Variants in SBF2 observed in about 807,000 individuals in gnomAD.
SBF2 encodes SET binding factor 2.
In SBF2, 112 loss-of-function variants were observed where a neutral mutation model predicts 225.2. The observed-to-expected ratio is 0.50, with a 90% CI of 0.43 to 0.58. SBF2 has a LOEUF of 0.58. Ranked by LOEUF, SBF2 falls within the 20% of genes least tolerant of loss-of-function variation. The pLI is 0.00. For missense variants in SBF2, 1,996 were observed against 2,206.2 expected (o/e 0.90, Z 1.91); for synonymous variants, 763 against 773.3 (o/e 0.99, Z 0.22).
chr11:10,097,837 G>A (rs1269331367), intron 2 of SBF2, among the ~76,000 whole-genome samples: 2 of 152,134 alleles, frequency 1.3e-5, no homozygotes, highest in Non-Finnish European at 2.9e-5. Context: ...ACAAAGGAAA[G>A]TAAAAGCATA....
intron 2 of SBF2, among the ~76,000 whole-genome samples, chr11:10,156,141 C>T (rs1359985142): frequency 6.6e-6 from 1 of 152,228 alleles, no homozygotes; most frequent in Non-Finnish European, 1.5e-5. Context: ...CTGGCCTCTC[C>T]TCGCTCCCAG....
intron 1 of SBF2, among the ~76,000 whole-genome samples, chr11:10,249,074 T>G (rs111230791): frequency 2.0e-5 from 3 of 151,304 alleles, no homozygotes; most frequent in Non-Finnish European, 4.4e-5. Context: ...CCAGCCTGGG[T>G]GACAGAGCAA....
intron 1 of SBF2, among the ~76,000 whole-genome samples, chr11:10,200,816 C>A (rs10458868): frequency 1 from 152,354 of 152,366 alleles, 76,171 homozygotes; most frequent in Non-Finnish European, 1. Context: ...AAATGGAGAA[C>A]ATGGAAATTA....
At chr11:10,044,345 A>C (rs1198147807) in intron 2 of SBF2, among the ~76,000 whole-genome samples, 1 of 152,254 alleles carries the variant, frequency 6.6e-6, no homozygotes, top group East Asian at 1.9e-4. Flanking sequence ...GGAGAAGAAA[A>C]GGCACACACA....
At chr11:10,243,064 G>C (rs1044835300) in intron 1 of SBF2, among the ~76,000 whole-genome samples, 1 of 152,038 alleles carries the variant, frequency 6.6e-6, no homozygotes, top group African/African-American at 2.4e-5. Flanking sequence ...CATTCTACAG[G>C]GTTGATCACA....
chr11:9,858,334 T>C lies in SBF2; in HGVS notation c.1992A>G (p.Thr664=). ...AGGTTGTCTCCCAAAATTGCTGATT[T>C]GTCCAAATGGGGTGGTCTTGTACAC... is the stretch of plus-strand genomic sequence containing the variant. The part of the protein sequence containing the change: ...YTCVQDHPIW[T]NQQFWETTFY... The change falls in exon 18 of 40, where the codon ACA becomes ACG. Residue 664 remains threonine (T), a synonymous_variant. Coordinates refer to ENST00000256190, the MANE Select transcript of SBF2 (RefSeq NM_030962.4). 6.2e-7 allele frequency: 1 copy of C among 1,614,204 alleles called. No individual in the cohort carries two copies. The highest frequency in any genetic ancestry group is 8.5e-7 in the Non-Finnish European group (1 of 1,180,020).
At chr11:10,120,570 G>T (rs932402142) in intron 2 of SBF2, among the ~76,000 whole-genome samples, 1 of 152,098 alleles carries the variant, frequency 6.6e-6, no homozygotes, top group Non-Finnish European at 1.5e-5. Context: ...TAGGGCAAAA[G>T]GGTCTAATTT....
At chr11:9,909,810 CAG>C (rs1274582110) in intron 16 of SBF2, among the ~76,000 whole-genome samples, 3 of 152,078 alleles carry the variant, frequency 2.0e-5, no homozygotes, top group Non-Finnish European at 4.4e-5. Context: ...TTCTATAGCT[CAG>C]AGTCTTCAAT....
intron 1 of SBF2, among the ~76,000 whole-genome samples, chr11:10,268,276 G>T (rs1193498379): frequency 6.6e-6 from 1 of 151,842 alleles, no homozygotes; most frequent in Non-Finnish European, 1.5e-5. Context: ...TTAAAAACTT[G>T]CCACAAAACC....
chr11:10,197,207 C>T (rs1957408155), intron 1 of SBF2, among the ~76,000 whole-genome samples: 1 of 152,104 alleles, frequency 6.6e-6, no homozygotes, highest in Admixed American at 6.5e-5. Flanking sequence ...AATGGGACCA[C>T]ACTACTCTAA....
At chr11:10,082,050 T>C (rs548782987) in intron 2 of SBF2, among the ~76,000 whole-genome samples, 117 of 152,052 alleles carry the variant, frequency 7.7e-4, no homozygotes, top group Non-Finnish European at 1.3e-3. Flanking sequence ...AAAGGAGACA[T>C]TGCAACTGAT....
At chr11:10,084,878 T>C (rs540902997) in intron 2 of SBF2, among the ~76,000 whole-genome samples, 4 of 152,286 alleles carry the variant, frequency 2.6e-5, no homozygotes, top group Admixed American at 2.6e-4. Context: ...GTGCTAAAAA[T>C]GTGTTCACAT....
At chr11:9,917,737 C>T (rs187958372) in intron 16 of SBF2, among the ~76,000 whole-genome samples, 5 of 151,144 alleles carry the variant, frequency 3.3e-5, no homozygotes, top group African/African-American at 4.9e-5. Context: ...GAGGTTAGCG[C>T]GACCATTTTT....
chr11:9,911,383 C>CAA (rs57796243), intron 16 of SBF2, among the ~76,000 whole-genome samples: 34 of 108,226 alleles, frequency 3.1e-4, no homozygotes, highest in Non-Finnish European at 4.1e-4. Flanking sequence ...GACTCTGTCT[C>CAA]AAAAAAAAAA....
chr11:9,798,951 C>CA (rs11452749), intron 32 of SBF2, among the ~76,000 whole-genome samples: 64,124 of 135,218 alleles, frequency 0.47, 15,209 homozygotes, highest in Admixed American at 0.53. Flanking sequence ...GACTCCGTCT[C>CA]AAAAAAAAAA....
At chr11:10,058,930 A>G (rs1219593288) in intron 2 of SBF2, among the ~76,000 whole-genome samples, 1 of 152,256 alleles carries the variant, frequency 6.6e-6, no homozygotes, top group Non-Finnish European at 1.5e-5. Context: ...ATGATGGAGA[A>G]ATACGATCCT....
intron 12 of SBF2, 120 bp downstream of exon 12, chr11:9,992,295 G>A: frequency 2.8e-6 from 2 of 723,302 alleles, no homozygotes; most frequent in South Asian, 2.6e-5. Context: ...AAATAACATT[G>A]GGATTATTTA....
rs577971407 is a variant in SBF2, at chr11:9,852,232, G to A, written c.2610+444C>T. On this transcript the variant is annotated intron_variant, in intron 21 of 39. Coordinates refer to ENST00000256190, the MANE Select transcript of SBF2 (RefSeq NM_030962.4). Reference sequence around the variant, plus strand: ...GGGGTACTCCAATTCAGGAGGCTGGGGTTGGGTCCAGGACTCTGAATTTTT... The same window carrying A: ...GGGGTACTCCAATTCAGGAGGCTGGAGTTGGGTCCAGGACTCTGAATTTTT... Among the ~76,000 whole-genome samples the A allele has an allele frequency of 2.6e-5, 4 of 152,298 alleles. No homozygotes were observed. The South Asian group carries it at 8.3e-4, about 32-fold the overall frequency.
intron 1 of SBF2, among the ~76,000 whole-genome samples, chr11:10,288,838 C>T (rs906898408): frequency 6.6e-6 from 1 of 152,198 alleles, no homozygotes; most frequent in Non-Finnish European, 1.5e-5. Context: ...AAAGTGCACA[C>T]CAATTGTCCA....
Sources: allele counts gnomAD v4.1 joint callset (sites outside exome capture counted in the v4.1 genomes callset), GRCh38; gene constraint gnomAD v4.1.1; transcripts MANE v1.5; gene names NCBI Gene and HGNC (gene_info 2026-07-23, HGNC 2026-07-21).